The following THSD7B variants were observed in gnomAD, a reference collection of about 807,000 sequenced individuals.
The protein encoded by THSD7B is thrombospondin type 1 domain containing 7B.
A neutral mutation model predicts 213.6 loss-of-function variants in THSD7B; 138 were observed. The ratio of observed to expected loss-of-function variants is 0.65; its 90% CI spans 0.56 to 0.74. The LOEUF (loss-of-function observed/expected upper bound fraction) is 0.74, where lower values mean the gene tolerates loss of function less well. Ranked by LOEUF, THSD7B falls within the 30% of genes least tolerant of loss-of-function variation. The probability of loss-of-function intolerance (pLI) is 0.00; values close to 1 mark genes in which losing one functional copy is unlikely to be tolerated. For missense variants in THSD7B, 1,931 were observed against 1,991.5 expected, an observed-to-expected ratio of 0.97 and a Z score of 0.58; for synonymous variants, 742 against 687.0, an observed-to-expected ratio of 1.08 and a Z score of -1.25.
At chr2:137,375,015 C>T (rs1188845761) in intron 12 of THSD7B, among the ~76,000 whole-genome samples, 3 of 152,114 alleles carry the variant, frequency 2.0e-5, no homozygotes, top group Non-Finnish European at 4.4e-5. Flanking sequence ...CACTTGGGTG[C>T]TATGAAGACT....
chr2:136,992,855 TC>T (rs1217331467), intron 2 of THSD7B, among the ~76,000 whole-genome samples: 2 of 152,190 alleles, frequency 1.3e-5, no homozygotes, highest in African/African-American at 4.8e-5. Flanking sequence ...GCATGGGTCA[TC>T]CGCAATGTCT....
At chr2:137,394,135 T>G (rs1300092824) in intron 12 of THSD7B, among the ~76,000 whole-genome samples, 2 of 116,958 alleles carry the variant, frequency 1.7e-5, no homozygotes, top group Non-Finnish European at 3.8e-5. Flanking sequence ...GATGGTAGTT[T>G]CTTTTGCTGT....
At chr2:136,877,187 TGAG>T (rs1413641486) in intron 1 of THSD7B, among the ~76,000 whole-genome samples, 1 of 152,168 alleles carries the variant, frequency 6.6e-6, no homozygotes, top group Non-Finnish European at 1.5e-5. Context: ...TATTTTTACT[TGAG>T]GAGGGGGACT....
Position 137,057,220 on chromosome 2 carries a change from G to A in THSD7B, c.940G>A (p.Ala314Thr), listed in dbSNP as rs1332467643. The A allele has an allele frequency of 6.2e-7, 1 of 1,610,242 alleles. No homozygotes were observed. Among genetic ancestry groups the A allele is most frequent in the Admixed American group, 1.7e-5 (1 of 59,698 alleles). The change falls in exon 3 of 28, where the codon GCT becomes ACT. Residue 314 changes from alanine to threonine, a missense_variant. Physicochemically the swap from Ala to Thr is moderately conservative, Grantham distance 58 (BLOSUM62 0). Coordinates refer to ENST00000409968, the MANE Select transcript of THSD7B (RefSeq NM_001316349.2). ...GTGTACAAGAAGTGATGGACAAAAT[G>A]CTATGTTAAGGTAGGAGACCTTTGA... The part of the protein sequence containing the change: ...VSCTRSDGQN[A>T]MLSLCLQDSF...
Position 137,618,461 on chromosome 2 carries a change from G to A in THSD7B, c.3635G>A (p.Cys1212Tyr). 6.2e-7 allele frequency: 1 copy of A among 1,613,912 alleles called. No individual in the cohort carries two copies. The highest frequency in any genetic ancestry group is 1.7e-5 in the Admixed American group (1 of 59,960). The change falls in exon 19 of 28, where the codon TGT becomes TAT. Residue 1212 changes from cysteine (C) to tyrosine (Y), a missense_variant. Transcript: ENST00000409968. ...GGCGTCAGGACCCGCCTGCTAAGCT[G>A]TGTGTGCAGTGATGGCAAGCCAGTC... ...GQGVRTRLLS[C>Y]VCSDGKPVSM... is the part of the protein sequence containing the mutation.
At chr2:137,089,063 A>C (rs1168156247) in intron 3 of THSD7B, among the ~76,000 whole-genome samples, 1 of 152,164 alleles carries the variant, frequency 6.6e-6, no homozygotes, top group Non-Finnish European at 1.5e-5. Flanking sequence ...AACAGTGTGG[A>C]GATTCCTTAA....
intron 15 of THSD7B, among the ~76,000 whole-genome samples, chr2:137,504,738 A>C (rs1190493249): frequency 6.6e-6 from 1 of 152,190 alleles, no homozygotes; most frequent in Non-Finnish European, 1.5e-5. Context: ...TTTGCTGATG[A>C]GGCGATATCC....
At chr2:137,528,671 C>A (rs1048878121) in intron 15 of THSD7B, among the ~76,000 whole-genome samples, 6 of 152,018 alleles carry the variant, frequency 3.9e-5, no homozygotes, top group African/African-American at 1.4e-4. Flanking sequence ...TTCAATAATT[C>A]CCTTAGATTT....
chr2:136,816,949 T>C (rs976655274), intron 1 of THSD7B, among the ~76,000 whole-genome samples: 3 of 152,206 alleles, frequency 2.0e-5, no homozygotes, highest in African/African-American at 7.2e-5. Context: ...ATTGCTGAAC[T>C]TTCTTATTAA....
chr2:137,409,670 A>G (rs1686604220), intron 13 of THSD7B, among the ~76,000 whole-genome samples: 3 of 152,174 alleles, frequency 2.0e-5, no homozygotes, highest in Non-Finnish European at 2.9e-5. Context: ...GCCTTGGGGA[A>G]CCCCATCAGT....
chr2:137,221,200 T>C (rs893627349), intron 7 of THSD7B, among the ~76,000 whole-genome samples: 1 of 152,090 alleles, frequency 6.6e-6, no homozygotes, highest in African/African-American at 2.4e-5. Context: ...GGCAGGAGAA[T>C]GGCTTGAACC....
At chr2:137,064,058 C>T (rs1334322290) in intron 3 of THSD7B, among the ~76,000 whole-genome samples, 1 of 151,982 alleles carries the variant, frequency 6.6e-6, no homozygotes, top group Non-Finnish European at 1.5e-5. Flanking sequence ...TACGGTAGCT[C>T]TATTTTTAGT....
chr2:136,883,848 A>G (rs1683668133), intron 2 of THSD7B, among the ~76,000 whole-genome samples: 1 of 152,206 alleles, frequency 6.6e-6, no homozygotes, highest in Admixed American at 6.5e-5. Flanking sequence ...TTTAAAATGA[A>G]CATATAAGTC....
intron 12 of THSD7B, among the ~76,000 whole-genome samples, chr2:137,390,743 G>A (rs1686005419): frequency 6.6e-6 from 1 of 152,130 alleles, no homozygotes; most frequent in Non-Finnish European, 1.5e-5. Context: ...TTATTATGAA[G>A]GGATGCTGGA....
At chr2:137,008,287 C>A (rs2104831318) in intron 2 of THSD7B, among the ~76,000 whole-genome samples, 1 of 152,136 alleles carries the variant, frequency 6.6e-6, no homozygotes, top group South Asian at 2.1e-4. Context: ...TGTCCTCTGG[C>A]AGACAGTGAG....
intron 2 of THSD7B, among the ~76,000 whole-genome samples, chr2:136,981,915 G>A (rs1332198028): frequency 6.6e-6 from 1 of 152,236 alleles, no homozygotes; most frequent in East Asian, 1.9e-4. Context: ...CGTGTCCAGT[G>A]TCAGTCGCAC....
intron 5 of THSD7B, among the ~76,000 whole-genome samples, chr2:137,149,255 A>G (rs1230056453): frequency 1.3e-5 from 2 of 152,174 alleles, no homozygotes; most frequent in South Asian, 2.1e-4. Flanking sequence ...TTCAGAGGAT[A>G]TATGAGAATA....
intron 25 of THSD7B, among the ~76,000 whole-genome samples, chr2:137,662,517 T>C (rs1683370033): frequency 6.6e-6 from 1 of 152,118 alleles, no homozygotes; most frequent in Non-Finnish European, 1.5e-5. Flanking sequence ...GGGACCCTTC[T>C]CCTGCCCTGC....
chr2:137,192,558 T>C (rs1460940409), intron 7 of THSD7B, among the ~76,000 whole-genome samples: 1 of 152,164 alleles, frequency 6.6e-6, no homozygotes, highest in Admixed American at 6.5e-5. Flanking sequence ...AAAGCAAAAC[T>C]TGAAAGCAGG....
Sources: gnomAD v4.1 joint callset for allele counts (sites outside exome capture counted in the v4.1 genomes callset) on GRCh38, gnomAD v4.1.1 for gene constraint, MANE v1.5 for transcripts, NCBI Gene and HGNC (gene_info 2026-07-23, HGNC 2026-07-21) for gene names.